SORBS2: variants seen among roughly 807,000 people sequenced by gnomAD.
SORBS2 encodes the protein sorbin and SH3 domain containing 2, also known as sorbin and SH3 domain-containing protein 2.
Under a neutral mutation model 97.7 loss-of-function variants are expected in SORBS2, and 46 were observed. That is an observed-to-expected ratio of 0.47 (90% CI 0.37 to 0.60). SORBS2 has a LOEUF of 0.60. SORBS2 is among the 20% of genes least tolerant of loss of function. SORBS2 has a pLI of 0.00. For synonymous variants in SORBS2, 476 were observed against 473.4 expected (o/e 1.01, Z -0.07); for missense variants, 1,316 against 1,282.3 (o/e 1.03, Z -0.40).
intron 7 of SORBS2, among the ~76,000 whole-genome samples, chr4:185,621,345 G>A (rs1304393816): frequency 1.3e-5 from 2 of 152,008 alleles, no homozygotes; most frequent in East Asian, 3.9e-4. Context: ...TCACTTGGGT[G>A]AAACACAATT....
intron 2 of SORBS2, among the ~76,000 whole-genome samples, chr4:185,682,274 G>A (rs758524688): frequency 1.3e-5 from 2 of 152,186 alleles, no homozygotes; most frequent in Non-Finnish European, 2.9e-5. Flanking sequence ...GTCTCTTGGC[G>A]GAGTGGTCCC....
chr4:185,763,531 T>G (rs2098916582), intron 2 of SORBS2, among the ~76,000 whole-genome samples: 1 of 152,242 alleles, frequency 6.6e-6, no homozygotes, highest in South Asian at 2.1e-4. Flanking sequence ...TCACAAATTC[T>G]GAAGGTTTTC....
At chr4:185,646,874 A>G (rs1240271049) in intron 3 of SORBS2, 92 bp from the exon 13 acceptor site, 4 of 745,378 alleles carry the variant, frequency 5.4e-6, no homozygotes, top group Non-Finnish European at 9.1e-6. Flanking sequence ...CATTACTTTT[A>G]GCATAGTTTT....
At chr4:185,674,027 C>G (rs2097758542) in intron 4 of SORBS2, among the ~76,000 whole-genome samples, 1 of 152,164 alleles carries the variant, frequency 6.6e-6, no homozygotes, top group Admixed American at 6.6e-5. Context: ...TTGGTCCTCC[C>G]CTTTTCTCTG....
At chr4:185,822,925 T>A (rs1285250638) in intron 1 of SORBS2, among the ~76,000 whole-genome samples, 1 of 152,220 alleles carries the variant, frequency 6.6e-6, no homozygotes, top group Non-Finnish European at 1.5e-5. Context: ...CAATTCACGA[T>A]GCCAAAGGAA....
chr4:185,709,304 C>CCTTTT lies in SORBS2; in HGVS notation c.-197-30483_-197-30482insAAAAG, dbSNP rs1554199361. ...GCATGAGCCGCTGTGCTGGCCAAAT[C>CCTTTT]TTTTTTTTTTTTTTTTTTTTAGTAA... is the stretch of plus-strand genomic sequence containing the variant. On this transcript the variant is annotated intron_variant, in intron 2 of 20. Transcript: ENST00000284776. Among the ~76,000 whole-genome samples the CCTTTT allele has an allele frequency of 5.4e-3, 522 of 96,744 alleles. 24 individuals are homozygous for CCTTTT. The highest frequency in any genetic ancestry group is 0.013 in the South Asian group (38 of 2,842). The allele number at this position is 96,744 out of a possible 152,430, so 63.5% of individuals were successfully genotyped here. A position where few individuals can be genotyped will look rare whatever the true frequency, so the allele number is the denominator to read the frequency against.
intron 12 of SORBS2, among the ~76,000 whole-genome samples, chr4:185,604,789 C>T (rs2096366984): frequency 6.6e-6 from 1 of 152,122 alleles, no homozygotes; most frequent in African/African-American, 2.4e-5. Flanking sequence ...ATCATTTTCT[C>T]ATATATTTAT....
chr4:185,838,960 C>T (rs2099209841), intron 1 of SORBS2, among the ~76,000 whole-genome samples: 1 of 152,158 alleles, frequency 6.6e-6, no homozygotes, highest in Non-Finnish European at 1.5e-5. Flanking sequence ...TTTCTTTGTC[C>T]TTCCAGCAGG....
At chr4:185,929,579 G>A (rs1024692225) in intron 1 of SORBS2, among the ~76,000 whole-genome samples, 3 of 149,046 alleles carry the variant, frequency 2.0e-5, no homozygotes, top group Non-Finnish European at 3.0e-5. Flanking sequence ...CTAGACTGGA[G>A]TGCAGTGGTG....
chr4:185,892,849 C>T (rs1263989431), intron 1 of SORBS2, among the ~76,000 whole-genome samples: 9 of 152,102 alleles, frequency 5.9e-5, no homozygotes, highest in South Asian at 2.1e-4. Context: ...ATGGCAGAGA[C>T]GGTAGCCCAA....
intron 1 of SORBS2, among the ~76,000 whole-genome samples, chr4:185,879,182 A>G (rs1371023483): frequency 2.5e-5 from 1 of 40,672 alleles, no homozygotes; most frequent in Non-Finnish European, 4.5e-5. Context: ...CCCCCACCCC[A>G]CGACAGGCCC....
At chr4:185,892,128 G>A (rs2099242835) in intron 1 of SORBS2, among the ~76,000 whole-genome samples, 1 of 152,112 alleles carries the variant, frequency 6.6e-6, no homozygotes, top group Admixed American at 6.5e-5. Flanking sequence ...ATGTTAGATT[G>A]GGTGCTAAGT....
intron 1 of SORBS2, among the ~76,000 whole-genome samples, chr4:185,782,396 C>T (rs2099035348): frequency 6.6e-6 from 1 of 152,198 alleles, no homozygotes; most frequent in Non-Finnish European, 1.5e-5. Flanking sequence ...AAGTTACTTG[C>T]ATTCATATAT....
chr4:185,846,622 T>A (rs550153933), intron 1 of SORBS2, among the ~76,000 whole-genome samples: 1 of 152,206 alleles, frequency 6.6e-6, no homozygotes, highest in Non-Finnish European at 1.5e-5. Context: ...GCTTTGGCAA[T>A]CCTATTGGGA....
chr4:185,835,652 A>ATTTT (rs5864964), intron 1 of SORBS2, among the ~76,000 whole-genome samples: 2 of 122,228 alleles, frequency 1.6e-5, no homozygotes, highest in Non-Finnish European at 3.5e-5. Context: ...TTTTGAAAGG[A>ATTTT]TTTTTTTTTT....
chr4:185,914,388 G>A (rs1191426301), intron 1 of SORBS2, among the ~76,000 whole-genome samples: 2 of 152,094 alleles, frequency 1.3e-5, no homozygotes, highest in Admixed American at 6.5e-5. Flanking sequence ...TAATTTTTAT[G>A]TACAGACTGT....
chr4:185,711,088 G>A (rs2098416494), intron 2 of SORBS2, among the ~76,000 whole-genome samples: 1 of 152,042 alleles, frequency 6.6e-6, no homozygotes, highest in African/African-American at 2.4e-5. Context: ...TCCCACCTCA[G>A]CCTCTTGAGT....
intron 1 of SORBS2, among the ~76,000 whole-genome samples, chr4:185,793,673 G>A (rs181359784): frequency 7.9e-5 from 12 of 152,232 alleles, no homozygotes; most frequent in East Asian, 3.9e-4. Flanking sequence ...AAAACAAAGC[G>A]TGTCTGGGCC....
At chr4:185,697,595 C>A (rs984387688) in intron 2 of SORBS2, among the ~76,000 whole-genome samples, 5 of 152,124 alleles carry the variant, frequency 3.3e-5, no homozygotes, top group Non-Finnish European at 7.4e-5. Context: ...AAGGTTTTGA[C>A]GATTAGCTTT....
Sources: allele counts gnomAD v4.1 joint callset (sites outside exome capture counted in the v4.1 genomes callset), GRCh38; gene constraint gnomAD v4.1.1; transcripts MANE v1.5; gene names NCBI Gene and HGNC (gene_info 2026-07-23, HGNC 2026-07-21).